PREX2: variants seen among roughly 807,000 people sequenced by gnomAD.
PREX2 encodes phosphatidylinositol 3,4,5-trisphosphate-dependent Rac exchanger 2 protein.
A neutral mutation model predicts 203.2 loss-of-function variants in PREX2; 107 were observed. The ratio of observed to expected loss-of-function variants is 0.53; its 90% confidence interval spans 0.45 to 0.62. The LOEUF is 0.62. Ranked by LOEUF, PREX2 falls within the 20% of genes least tolerant of loss-of-function variation. The probability of loss-of-function intolerance (pLI) is 0.00; values close to 1 mark genes in which losing one functional copy is unlikely to be tolerated. For synonymous variants in PREX2, 672 were observed against 663.6 expected (o/e 1.01, Z -0.19); for missense variants, 1,777 against 1,955.9 (o/e 0.91, Z 1.72).
chr8:68,045,343 A>G (rs1808321088), intron 8 of PREX2, among the ~76,000 whole-genome samples: 1 of 152,146 alleles, frequency 6.6e-6, no homozygotes, highest in East Asian at 1.9e-4. Context: ...GATGAAATGC[A>G]GTATACTAAC....
At position 67,952,380 on chromosome 8, in the gene PREX2, G is replaced by A; in HGVS notation, c.-15G>A. 1.3e-6 allele frequency: 2 copies of A among 1,524,368 alleles called. No homozygotes were observed. Among genetic ancestry groups the A allele is most frequent in the Non-Finnish European group, 1.8e-6 (2 of 1,137,210 alleles). 94.4% of individuals were successfully genotyped at this position (1,524,368 alleles called of 1,614,324 possible). The stretch of plus-strand genomic sequence containing the variant: ...AGCACGGCGGGCAGCGCCGCGCTGC[G>A]CACCGCCGCCGACCATGAGCGAGGA... On this transcript the variant is annotated 5_prime_UTR_variant, in exon 1 of 40. Transcript: ENST00000288368.
chr8:68,039,131 C>A (rs1808118975), intron 7 of PREX2, among the ~76,000 whole-genome samples: 1 of 152,146 alleles, frequency 6.6e-6, no homozygotes, highest in Non-Finnish European at 1.5e-5. Flanking sequence ...CACACTGTCA[C>A]CCTTCATAGC....
At chr8:68,033,243 A>T (rs1366526111) in intron 6 of PREX2, among the ~76,000 whole-genome samples, 1 of 152,182 alleles carries the variant, frequency 6.6e-6, no homozygotes, top group African/African-American at 2.4e-5. Flanking sequence ...CAGTGAGAAA[A>T]GGGTGGCTTT....
chr8:68,132,751 T>G (rs940975597), intron 31 of PREX2, among the ~76,000 whole-genome samples: 1 of 152,190 alleles, frequency 6.6e-6, no homozygotes, highest in Admixed American at 6.5e-5. Context: ...TATGAACCCT[T>G]GAAATATTTA....
intron 23 of PREX2, chr8:68,100,264 A>G (rs1810220597): frequency 6.7e-6 from 3 of 446,484 alleles, no homozygotes; most frequent in African/African-American, 4.1e-5. Context: ...TAATTGATTA[A>G]GTCATTCATT....
intron 1 of PREX2, 50 bp downstream of exon 1, chr8:67,952,585 G>C (rs752847250): frequency 1.9e-6 from 3 of 1,581,516 alleles, no homozygotes; most frequent in Admixed American, 1.8e-5. Context: ...CGCGGGGCGC[G>C]GGTCCCGGAG....
intron 35 of PREX2, among the ~76,000 whole-genome samples, chr8:68,189,957 G>A (rs556568079): frequency 6.6e-6 from 1 of 152,294 alleles, no homozygotes; most frequent in South Asian, 2.1e-4. Flanking sequence ...TAGAGCTAAA[G>A]CATTCATAAT....
intron 35 of PREX2, among the ~76,000 whole-genome samples, chr8:68,184,192 A>C (rs1812141952): frequency 1.3e-5 from 2 of 152,114 alleles, no homozygotes; most frequent in African/African-American, 2.4e-5. Flanking sequence ...CTTTAACCAC[A>C]TGTGGCCGCA....
intron 11 of PREX2, among the ~76,000 whole-genome samples, chr8:68,062,182 T>C (rs1206078041): frequency 3.3e-5 from 5 of 152,130 alleles, no homozygotes; most frequent in Non-Finnish European, 5.9e-5. Context: ...ATTAAGTCCC[T>C]AAACAATGAA....
In PREX2 at chr8:68,033,838, AT is replaced by A. The variant is rs1335865136; in HGVS notation, c.705+3181del. Among the ~76,000 whole-genome samples, 3 of 152,246 alleles carry A rather than the reference AT, an allele frequency of 2.0e-5. No individual in the cohort carries two copies. In the East Asian group the frequency reaches 5.8e-4, roughly 29 times the overall value. On this transcript the variant is annotated intron_variant, in intron 6 of 39. Coordinates refer to ENST00000288368, the MANE Select transcript of PREX2 (RefSeq NM_024870.4). ...TTATAATCACATACAATGAGTTATA[AT>A]CATCTCCACAGTTGGCTGAGATGCT...
At chr8:68,135,714 G>A (rs1288346594) in intron 32 of PREX2, among the ~76,000 whole-genome samples, 3 of 152,076 alleles carry the variant, frequency 2.0e-5, no homozygotes, top group Admixed American at 6.5e-5. Flanking sequence ...CCTAGAAATA[G>A]GATTTCTAGA....
At chr8:68,182,824 A>C (rs749219802) in intron 35 of PREX2, among the ~76,000 whole-genome samples, 1 of 151,832 alleles carries the variant, frequency 6.6e-6, no homozygotes, top group African/African-American at 2.4e-5. Context: ...GATGAGTGCA[A>C]CTCAGTATAA....
chr8:68,007,776 A>AT lies in PREX2; in HGVS notation c.142-10064dup, dbSNP rs1414447569. 3.3e-5 allele frequency among the ~76,000 whole-genome samples: 5 copies of AT among 152,074 alleles called. No homozygotes were observed. In the South Asian group the frequency reaches 6.2e-4, roughly 19 times the overall value. ...AGGTGCCCGCCACCACGCCTGGCTC[A>AT]TTTTTTGTATTTTTAGTAGAGACGG... is the stretch of plus-strand genomic sequence containing the variant. On this transcript the variant is annotated intron_variant, in intron 1 of 39. Transcript: ENST00000288368.
At chr8:68,205,269 C>A (rs1401368677) in intron 37 of PREX2, among the ~76,000 whole-genome samples, 1 of 152,168 alleles carries the variant, frequency 6.6e-6, no homozygotes, top group African/African-American at 2.4e-5. Context: ...GATAAGAGAA[C>A]TTGTTGCTGA....
chr8:67,997,569 T>A (rs999625772), intron 1 of PREX2, among the ~76,000 whole-genome samples: 1 of 152,172 alleles, frequency 6.6e-6, no homozygotes, highest in African/African-American at 2.4e-5. Flanking sequence ...TTCCTTTTTT[T>A]CCCCCAAGAT....
intron 35 of PREX2, among the ~76,000 whole-genome samples, chr8:68,189,511 A>C (rs1327214711): frequency 6.6e-6 from 1 of 152,208 alleles, no homozygotes; most frequent in Non-Finnish European, 1.5e-5. Flanking sequence ...AAAATCTTGA[A>C]AATTTTAAAA....
chr8:68,019,820 C>T lies in PREX2; in HGVS notation c.336+149C>T, dbSNP rs554008423. 2.3e-5 allele frequency: 16 copies of T among 696,274 alleles called. No homozygotes were observed. The South Asian group carries it at 2.5e-4, about 11-fold the overall frequency. The allele number at this position is 696,274 out of a possible 1,614,324, so 43.1% of individuals were successfully genotyped here. A position where few individuals can be genotyped will look rare whatever the true frequency, so the allele number is the denominator to read the frequency against. ...CTTTTAAGGCCAATGAGATCTTCCA[C>T]TTAGAGCCAGAAAAGGGGAGAGTGC... On this transcript the variant is annotated intron_variant, in intron 3 of 39. Transcript: ENST00000288368.
chr8:68,051,177 C>A (rs1464321237), intron 8 of PREX2, among the ~76,000 whole-genome samples: 2 of 151,966 alleles, frequency 1.3e-5, no homozygotes. Flanking sequence ...TACACTTATG[C>A]GGTGGCAGGA....
chr8:68,192,678 T>C, intron 37 of PREX2, 153 bp downstream of exon 37: 1 of 573,252 alleles, frequency 1.7e-6, no homozygotes, highest in South Asian at 2.9e-5. Context: ...CTGGTTTTAA[T>C]TCTTGTATTT....
Sources: allele counts gnomAD v4.1 joint callset (sites outside exome capture counted in the v4.1 genomes callset), GRCh38; gene constraint gnomAD v4.1.1; transcripts MANE v1.5; gene names NCBI Gene and HGNC (gene_info 2026-07-23, HGNC 2026-07-21).